The following ARHGEF10L variants were observed in gnomAD, a reference collection of about 807,000 sequenced individuals.
ARHGEF10L encodes Rho guanine nucleotide exchange factor 10 like, also known as rho guanine nucleotide exchange factor 10-like protein.
A neutral mutation model predicts 141.2 loss-of-function variants in ARHGEF10L; 69 were observed. That is an observed-to-expected ratio of 0.49 (90% confidence interval 0.40 to 0.60). The LOEUF (loss-of-function observed/expected upper bound fraction) is 0.60, where lower values mean the gene tolerates loss of function less well. ARHGEF10L is among the 20% of genes least tolerant of loss of function. The pLI is 0.00. For synonymous variants in ARHGEF10L, 711 were observed against 718.5 expected (o/e 0.99, Z 0.17); for missense variants, 1,482 against 1,734.3 (o/e 0.85, Z 2.58).
At chr1:17,636,254 C>T (rs899800452) in intron 18 of ARHGEF10L, among the ~76,000 whole-genome samples, 1 of 152,180 alleles carries the variant, frequency 6.6e-6, no homozygotes, top group Admixed American at 6.5e-5. Context: ...AAACCAGAGT[C>T]ACGTACTGCC....
intron 26 of ARHGEF10L, among the ~76,000 whole-genome samples, chr1:17,671,673 C>T (rs1294931978): frequency 2.0e-5 from 3 of 152,220 alleles, no homozygotes; most frequent in Non-Finnish European, 2.9e-5. Flanking sequence ...GGGGCAGCCC[C>T]TCCCCCATTA....
At chr1:17,554,504 T>C (rs2077229306) in intron 1 of ARHGEF10L, among the ~76,000 whole-genome samples, 1 of 151,632 alleles carries the variant, frequency 6.6e-6, no homozygotes, top group South Asian at 2.1e-4. Context: ...ACACAGCCCA[T>C]GATGCCAGAC....
chr1:17,547,898 A>T (rs1474012070), intron 1 of ARHGEF10L, among the ~76,000 whole-genome samples: 1 of 152,142 alleles, frequency 6.6e-6, no homozygotes, highest in African/African-American at 2.4e-5. Context: ...CCACAAAGGG[A>T]GAGGCTGTGT....
chr1:17,632,543 G>A lies in ARHGEF10L; in HGVS notation c.1730+77G>A, dbSNP rs180852480. ...CCCGCCCTACTCCAGTCTCTTGGCCGGCCGCACTACAGTGGGACCCCATGT... is the reference window on the plus strand; with the variant it reads ...CCCGCCCTACTCCAGTCTCTTGGCCAGCCGCACTACAGTGGGACCCCATGT... On this transcript the variant is annotated intron_variant, in intron 16 of 28. Transcript: ENST00000361221. 127 of 1,584,252 alleles carry A rather than the reference G, an allele frequency of 8.0e-5. No individual in the cohort carries two copies. In the Admixed American group the frequency reaches 1.6e-3, roughly 20 times the overall value.
At chr1:17,588,857 T>TGG in intron 4 of ARHGEF10L, among the ~76,000 whole-genome samples, 1 of 48,830 alleles carries the variant, frequency 2.0e-5, no homozygotes, top group East Asian at 1.1e-3. Flanking sequence ...CCAGTGTGTG[T>TGG]GTGTGTGTGT....
chr1:17,576,072 G>A (rs577431669), intron 1 of ARHGEF10L, among the ~76,000 whole-genome samples: 1 of 152,064 alleles, frequency 6.6e-6, no homozygotes. Flanking sequence ...CTCAAGGCAC[G>A]ACTTGCGCAG....
chr1:17,687,577 G>A lies in ARHGEF10L; in HGVS notation c.3014G>A (p.Ser1005Asn), dbSNP rs768633808. Residue 1005 changes from serine to asparagine, a missense_variant, in exon 27 of 29, where the codon AGC (serine) becomes AAC (asparagine). Transcript: ENST00000361221. ...LEATTLQPQQ[S>N]FEAHQDEAVS... Reference sequence around the variant, plus strand: ...ACTCCTCCCTTTGTGCCACAGCAAAGCTTCGAGGCGCACCAGGACGAGGCA... The same window carrying A: ...ACTCCTCCCTTTGTGCCACAGCAAAACTTCGAGGCGCACCAGGACGAGGCA... 71 of 1,612,844 alleles carry A rather than the reference G, an allele frequency of 4.4e-5. No homozygotes were observed. The highest frequency in any genetic ancestry group is 5.5e-5 in the Non-Finnish European group (65 of 1,179,946).
intron 26 of ARHGEF10L, among the ~76,000 whole-genome samples, chr1:17,670,916 T>C (rs182707031): frequency 4.6e-5 from 7 of 152,350 alleles, no homozygotes; most frequent in Admixed American, 4.6e-4. Context: ...TTAGCTTGGG[T>C]CTCGGCTTAA....
rs1455606236 is a variant in ARHGEF10L, at chr1:17,556,278, G to T, written c.-44+16328G>T. ...GGGCCTGGGAGCATGGCGGCGGGGGGGGGGCCTGGGAGCACAGGGCGGGCC... is the reference window on the plus strand; with the variant it reads ...GGGCCTGGGAGCATGGCGGCGGGGGTGGGGCCTGGGAGCACAGGGCGGGCC... On this transcript the variant is annotated intron_variant, in intron 1 of 28. Transcript: ENST00000361221. 6.6e-4 allele frequency among the ~76,000 whole-genome samples: 76 copies of T among 114,764 alleles called. 3 individuals are homozygous for T. The highest frequency in any genetic ancestry group is 2.3e-3 in the African/African-American group (72 of 31,348). The allele number at this position is 114,764 out of a possible 152,430, so 75.3% of individuals were successfully genotyped here.
chr1:17,657,001 G>T (rs567156889), intron 25 of ARHGEF10L, among the ~76,000 whole-genome samples: 27 of 152,270 alleles, frequency 1.8e-4, no homozygotes, highest in Non-Finnish European at 3.2e-4. Context: ...TTCCCGTTCA[G>T]GCTTTGCCCG....
In ARHGEF10L at chr1:17,602,113, T is replaced by C; in HGVS notation, c.258-14T>C. The C allele has an allele frequency of 6.4e-7, 1 of 1,551,156 alleles. No individual in the cohort carries two copies. Among genetic ancestry groups the C allele is most frequent in the Non-Finnish European group, 8.7e-7 (1 of 1,147,544 alleles). On this transcript the variant is annotated splice_polypyrimidine_tract_variant and intron_variant, in intron 4 of 28. Transcript: ENST00000361221. Reference sequence around the variant, plus strand: ...ACCTCTGGACACCTCTGCAGTGCCATCTCTTGCCCGCAGGGTGCCAGCCTG... The same window carrying C: ...ACCTCTGGACACCTCTGCAGTGCCACCTCTTGCCCGCAGGGTGCCAGCCTG...
intron 1 of ARHGEF10L, among the ~76,000 whole-genome samples, chr1:17,565,951 C>T (rs112065609): frequency 1.3e-5 from 2 of 152,158 alleles, no homozygotes; most frequent in East Asian, 1.9e-4. Context: ...TCTCTGCCCC[C>T]ACAGTCTAGC....
chr1:17,610,854 C>A (rs2059511458), intron 7 of ARHGEF10L, among the ~76,000 whole-genome samples: 1 of 152,166 alleles, frequency 6.6e-6, no homozygotes, highest in Non-Finnish European at 1.5e-5. Context: ...AAAAAGTGAC[C>A]ATGGGGTCTG....
chr1:17,516,386 G>A, the ARHGEF10L span, among the ~76,000 whole-genome samples: 1 of 152,252 alleles, frequency 6.6e-6, no homozygotes, highest in Non-Finnish European at 1.5e-5. Flanking sequence ...GGCAAGAGTA[G>A]AGAAGATCCC....
intron 27 of ARHGEF10L, among the ~76,000 whole-genome samples, chr1:17,689,429 CCTGTGTT>C (rs1468589142): frequency 6.6e-6 from 1 of 151,158 alleles, no homozygotes; most frequent in East Asian, 1.9e-4. Context: ...CTTGATGGGA[CCTGTGTT>C]TGGGTTGCCT....
At chr1:17,653,776 A>AGAG (rs2062070488) in intron 22 of ARHGEF10L, among the ~76,000 whole-genome samples, 1 of 152,168 alleles carries the variant, frequency 6.6e-6, no homozygotes, top group Non-Finnish European at 1.5e-5. Flanking sequence ...TGCCACTAAC[A>AGAG]TGCTGTGTGA....
At chr1:17,667,990 T>A (rs945708413) in intron 26 of ARHGEF10L, among the ~76,000 whole-genome samples, 2 of 152,214 alleles carry the variant, frequency 1.3e-5, no homozygotes, top group African/African-American at 4.8e-5. Context: ...TGCCAAGCTA[T>A]GCAACCTTGC....
At chr1:17,687,471 C>G (rs778909139) in intron 26 of ARHGEF10L, 102 bp from the exon 27 acceptor site, 151 of 1,346,100 alleles carry the variant, frequency 1.1e-4, no homozygotes, top group Middle Eastern at 5.2e-4. Context: ...GTAGCTTGAG[C>G]TTTTGAAGAA....
At chr1:17,616,303 T>C in intron 9 of ARHGEF10L, 101 bp downstream of exon 9, 1 of 1,010,510 alleles carries the variant, frequency 9.9e-7, no homozygotes, top group Non-Finnish European at 1.5e-6. Flanking sequence ...GCTGGGTGGG[T>C]ACCACTTGGC....
Sources: gnomAD v4.1 joint callset for allele counts (sites outside exome capture counted in the v4.1 genomes callset) on GRCh38, gnomAD v4.1.1 for gene constraint, MANE v1.5 for transcripts, NCBI Gene and HGNC (gene_info 2026-07-23, HGNC 2026-07-21) for gene names.